BRINP1: variants seen among roughly 807,000 people sequenced by gnomAD.
BRINP1 encodes BMP/retinoic acid inducible neural specific 1.
In BRINP1, 17 loss-of-function variants were observed where a neutral mutation model predicts 72.9. That is an observed-to-expected ratio of 0.23 (90% CI 0.16 to 0.35). The LOEUF is 0.35. BRINP1 is among the 10% of genes least tolerant of loss of function. The pLI is 1.00. For synonymous variants in BRINP1, 418 were observed against 378.5 expected (o/e 1.10, Z -1.21); for missense variants, 850 against 1,001.6 (o/e 0.85, Z 2.04).
chr9:119,357,584 A>G (rs1831581935), intron 1 of BRINP1, among the ~76,000 whole-genome samples: 1 of 152,222 alleles, frequency 6.6e-6, no homozygotes, highest in Non-Finnish European at 1.5e-5. Flanking sequence ...TTAAGAGGCT[A>G]TGAAGTTGGC....
intron 2 of BRINP1, among the ~76,000 whole-genome samples, chr9:119,307,883 G>A (rs551723545): frequency 2.4e-4 from 36 of 152,296 alleles, no homozygotes; most frequent in Admixed American, 1.6e-3. Context: ...TATCATTTGG[G>A]AGGCAGCTGG....
At chr9:119,293,055 C>A (rs946168092) in intron 2 of BRINP1, among the ~76,000 whole-genome samples, 3 of 152,054 alleles carry the variant, frequency 2.0e-5, no homozygotes, top group Non-Finnish European at 4.4e-5. Flanking sequence ...AACAAAAATC[C>A]ATGCCTCAAT....
chr9:119,177,415 G>A (rs1201954472), intron 7 of BRINP1, among the ~76,000 whole-genome samples: 1 of 152,130 alleles, frequency 6.6e-6, no homozygotes, highest in African/African-American at 2.4e-5. Flanking sequence ...TGATATTTTT[G>A]TGAGCTGCAG....
chr9:119,212,178 A>G (rs1393349049), intron 6 of BRINP1, among the ~76,000 whole-genome samples: 4 of 152,134 alleles, frequency 2.6e-5, no homozygotes, highest in African/African-American at 9.7e-5. Flanking sequence ...AGACATCCAC[A>G]GTTCCATTTG....
At chr9:119,219,964 G>A (rs1177752381) in intron 5 of BRINP1, among the ~76,000 whole-genome samples, 2 of 152,144 alleles carry the variant, frequency 1.3e-5, no homozygotes, top group East Asian at 1.9e-4. Context: ...CCTTCCAGCT[G>A]AGAATCAACT....
At chr9:119,358,056 A>G (rs912244307) in intron 1 of BRINP1, among the ~76,000 whole-genome samples, 20 of 152,300 alleles carry the variant, frequency 1.3e-4, no homozygotes, top group South Asian at 1.2e-3. Context: ...TCTGACCCAC[A>G]ATGTTCTCAT....
intron 2 of BRINP1, among the ~76,000 whole-genome samples, chr9:119,269,386 T>C (rs1173360912): frequency 6.6e-6 from 1 of 152,226 alleles, no homozygotes; most frequent in Non-Finnish European, 1.5e-5. Flanking sequence ...GAAGTGTTTT[T>C]AGCCTGAATT....
intron 6 of BRINP1, chr9:119,213,538 G>T (rs576510871): frequency 2.7e-6 from 1 of 369,120 alleles, no homozygotes; most frequent in African/African-American, 2.0e-5. Flanking sequence ...GGACAGAAGT[G>T]TGTGGGTGCA....
At chr9:119,365,210 G>A (rs77134619) in intron 1 of BRINP1, among the ~76,000 whole-genome samples, 1,712 of 152,348 alleles carry the variant, frequency 0.011, 34 homozygotes, top group African/African-American at 0.038. Flanking sequence ...AAGACTTCTT[G>A]GAAGGGTCAT....
chr9:119,238,794 C>A (rs2118908901), intron 4 of BRINP1, 34 bp from the exon 5 acceptor site: 1 of 1,414,578 alleles, frequency 7.1e-7, no homozygotes, highest in Non-Finnish European at 9.9e-7. Context: ...AGGTGTGAGA[C>A]AGCAGTCCTT....
At chr9:119,231,344 C>T (rs544282490) in intron 5 of BRINP1, among the ~76,000 whole-genome samples, 1 of 152,068 alleles carries the variant, frequency 6.6e-6, no homozygotes, top group Admixed American at 6.6e-5. Context: ...ACCCTATTCA[C>T]TCTTGCCTGC....
chr9:119,286,272 G>A (rs950168195), intron 2 of BRINP1, among the ~76,000 whole-genome samples: 7 of 150,166 alleles, frequency 4.7e-5, no homozygotes, highest in South Asian at 4.2e-4. Context: ...TTGCTCTGTC[G>A]CCAGGGCTGG....
chr9:119,182,380 T>C (rs1829567368), intron 7 of BRINP1, among the ~76,000 whole-genome samples: 1 of 152,216 alleles, frequency 6.6e-6, no homozygotes, highest in Non-Finnish European at 1.5e-5. Context: ...CAACTTTCAA[T>C]GACAGAATAT....
chr9:119,264,170 G>A (rs971989675), intron 2 of BRINP1, among the ~76,000 whole-genome samples: 7 of 152,170 alleles, frequency 4.6e-5, no homozygotes, highest in African/African-American at 9.7e-5. Flanking sequence ...TCAGAAGTGA[G>A]GAATTTTGGA....
intron 6 of BRINP1, among the ~76,000 whole-genome samples, chr9:119,211,164 CTTTATTTATTTATTTATTTATTTA>C (rs71506209): frequency 6.8e-6 from 1 of 147,118 alleles, no homozygotes; most frequent in African/African-American, 2.5e-5. Context: ...AATACATTAA[CTTTATTTATTTATTTATTTATTTA>C]TTTATTTATT....
intron 1 of BRINP1, among the ~76,000 whole-genome samples, chr9:119,342,677 C>T (rs1257163777): frequency 6.6e-6 from 1 of 152,144 alleles, no homozygotes; most frequent in African/African-American, 2.4e-5. Flanking sequence ...GTAAGACTAC[C>T]CCGTGAATGA....
At chr9:119,220,617 C>CAAAA (rs201690872) in intron 5 of BRINP1, among the ~76,000 whole-genome samples, 2 of 147,452 alleles carry the variant, frequency 1.4e-5, no homozygotes, top group African/African-American at 4.9e-5. Flanking sequence ...AAAACTAAAG[C>CAAAA]AAAAAAAAAA....
chr9:119,255,850 G>A (rs1830440751), intron 2 of BRINP1, among the ~76,000 whole-genome samples: 1 of 149,826 alleles, frequency 6.7e-6, no homozygotes, highest in African/African-American at 2.4e-5. Flanking sequence ...AGCTACTCAG[G>A]AGACTGAGGC....
intron 2 of BRINP1, among the ~76,000 whole-genome samples, chr9:119,276,272 C>T (rs73661140): frequency 0.042 from 6,331 of 152,188 alleles, 383 homozygotes; most frequent in African/African-American, 0.13. Flanking sequence ...CAAAGCAATA[C>T]GTGAATACAG....
Sources: allele counts gnomAD v4.1 joint callset (sites outside exome capture counted in the v4.1 genomes callset), GRCh38; gene constraint gnomAD v4.1.1; transcripts MANE v1.5; gene names NCBI Gene and HGNC (gene_info 2026-07-23, HGNC 2026-07-21).